The following KNDC1 variants were observed in gnomAD, a reference collection of about 807,000 sequenced individuals.
KNDC1 encodes kinase non-catalytic C-lobe domain containing 1, also known as kinase non-catalytic C-lobe domain-containing protein 1.
Under a neutral mutation model 172.8 loss-of-function variants are expected in KNDC1, and 106 were observed. That is an observed-to-expected ratio of 0.61 (90% CI 0.52 to 0.72). The LOEUF (loss-of-function observed/expected upper bound fraction) is 0.72. Among genes scored for constraint, KNDC1 ranks in the 30% least tolerant of loss-of-function variants. The pLI is 0.00. For synonymous variants in KNDC1, 1,083 were observed against 1,062.2 expected (o/e 1.02, Z -0.38); for missense variants, 2,325 against 2,394.5 (o/e 0.97, Z 0.61).
rs1458655643 is a variant in KNDC1 at position 133,224,204 on chromosome 10, T to C, written c.5019-455T>C. ...GGCTCCTGCTCGTGACTGGCCAGCT[T>C]TCTCCATTATATTCTATGGTGTGCT... On this transcript the variant is annotated intron_variant, in intron 29 of 29. Coordinates refer to ENST00000304613, the MANE Select transcript of KNDC1 (RefSeq NM_152643.8). This position sits in a 1 kb window ranked among gnomAD's most constrained non-coding sequence, Gnocchi z 5.4. Among the ~76,000 whole-genome samples, 1 of 152,188 alleles carries C rather than the reference T, an allele frequency of 6.6e-6. No homozygotes were observed. The highest frequency in any genetic ancestry group is 1.5e-5 in the Non-Finnish European group (1 of 68,022).
At chr10:133,194,160 G>A (rs1467792956) in intron 9 of KNDC1, among the ~76,000 whole-genome samples, 2 of 152,126 alleles carry the variant, frequency 1.3e-5, no homozygotes, top group Non-Finnish European at 2.9e-5. Context: ...CACCAAGCTA[G>A]ACCAAATCCT....
At chr10:133,170,915 G>A (rs992706935) in intron 3 of KNDC1, among the ~76,000 whole-genome samples, 1 of 151,060 alleles carries the variant, frequency 6.6e-6, no homozygotes. Flanking sequence ...CAAGGCAAAT[G>A]CCGTCTCGGC....
chr10:133,173,317 T>G lies in KNDC1; in HGVS notation c.360+5005T>G, dbSNP rs184185581. Among the ~76,000 whole-genome samples, 324 of 152,316 alleles carry G rather than the reference T, an allele frequency of 2.1e-3. 1 individual carries two copies. The highest frequency in any genetic ancestry group is 2.8e-3 in the Non-Finnish European group (192 of 68,018). On this transcript the variant is annotated intron_variant, in intron 3 of 29. Coordinates refer to ENST00000304613, the MANE Select transcript of KNDC1 (RefSeq NM_152643.8). ...TCTCTCTTTTCCTCCTTGTTCTGAG[T>G]TTAGGATCCATCCCTTTTCTGACTC...
chr10:133,202,165 C>T (rs747378157), intron 17 of KNDC1: 6 of 690,134 alleles, frequency 8.7e-6, no homozygotes, highest in Non-Finnish European at 1.6e-5. Flanking sequence ...CTCATGGTCG[C>T]CCGGGCGATG....
At chr10:133,213,265 G>A (rs905904511) in intron 24 of KNDC1, among the ~76,000 whole-genome samples, 9 of 152,178 alleles carry the variant, frequency 5.9e-5, no homozygotes, top group Admixed American at 3.3e-4. Context: ...CCGGAGCTGG[G>A]CCAACCCGGT....
At position 133,213,067 on chromosome 10, in the gene KNDC1, G is replaced by T. The variant is rs377762212; in HGVS notation, c.4443+145G>T. 1.2e-3 allele frequency: 912 copies of T among 736,414 alleles called. 3 individuals are homozygous for T. Among genetic ancestry groups the T allele is most frequent in the Non-Finnish European group, 1.4e-3 (664 of 460,106 alleles). The allele number at this position is 736,414 out of a possible 1,614,324, so 45.6% of individuals were successfully genotyped here. On this transcript the variant is annotated intron_variant, in intron 24 of 29. Coordinates refer to ENST00000304613, the MANE Select transcript of KNDC1 (RefSeq NM_152643.8). ...GCTGCCAGGTGCACAGGTTGGGGGT[G>T]GCTGCCAGGTGCACAGGTCCAGGCG...
At chr10:133,176,390 C>T (rs1853539546) in intron 3 of KNDC1, among the ~76,000 whole-genome samples, 1 of 152,016 alleles carries the variant, frequency 6.6e-6, no homozygotes, top group Non-Finnish European at 1.5e-5. Context: ...CCCTGGCTTT[C>T]CGTGTGGTAT....
At chr10:133,189,968 G>A (rs12358010) in intron 9 of KNDC1, among the ~76,000 whole-genome samples, 155 bp downstream of exon 9, 3,344 of 152,326 alleles carry the variant, frequency 0.022, 45 homozygotes, top group Middle Eastern at 0.034. Flanking sequence ...CAGCAGGGCC[G>A]TGGCTCTGGC....
intron 3 of KNDC1, among the ~76,000 whole-genome samples, chr10:133,176,361 T>C (rs1267880986): frequency 6.6e-6 from 1 of 151,812 alleles, no homozygotes; most frequent in Admixed American, 6.6e-5. Context: ...CAAAGGGGAA[T>C]GGAGGGAAGG....
At chr10:133,195,618 G>A in intron 9 of KNDC1, 45 bp from the exon 10 acceptor site, 1 of 1,478,604 alleles carries the variant, frequency 6.8e-7, no homozygotes, top group South Asian at 1.4e-5. Context: ...GGGCACAGCA[G>A]CCCACAGCCC....
At position 133,201,403 on chromosome 10, in the gene KNDC1, G is replaced by A. The variant is rs529061852; in HGVS notation, c.2990-98G>A. The A allele has an allele frequency of 9.3e-5, 123 of 1,320,624 alleles. 1 individual carries two copies. In the East Asian group the frequency reaches 2.6e-3, roughly 28 times the overall value. 81.8% of individuals were successfully genotyped at this position (1,320,624 alleles called of 1,614,324 possible). A position where few individuals can be genotyped will look rare whatever the true frequency, so the allele number is the denominator to read the frequency against. On this transcript the variant is annotated intron_variant, in intron 16 of 29. Coordinates refer to ENST00000304613, the MANE Select transcript of KNDC1 (RefSeq NM_152643.8). ...GTGGGCGGGTGCAAGAGAGAAGGGC[G>A]TCGGGTGTGCAAGCACCACCGGCCT...
intron 3 of KNDC1, among the ~76,000 whole-genome samples, chr10:133,178,213 G>A (rs1373293723): frequency 6.6e-6 from 1 of 151,812 alleles, no homozygotes; most frequent in Non-Finnish European, 1.5e-5. Flanking sequence ...GTGTATGTAT[G>A]TGGTGTGTGT....
intron 29 of KNDC1, among the ~76,000 whole-genome samples, chr10:133,222,420 A>C (rs1845617352): frequency 1.3e-5 from 2 of 149,440 alleles, no homozygotes; most frequent in South Asian, 4.3e-4. Context: ...TGTGTGTGAG[A>C]GCCCATCCAG....
chr10:133,211,367 C>T, intron 21 of KNDC1, 55 bp from the exon 22 acceptor site: 2 of 1,559,706 alleles, frequency 1.3e-6, no homozygotes, highest in South Asian at 2.3e-5. Flanking sequence ...AGCCCCTGGG[C>T]CTCTGCCCCC....
At position 133,186,536 on chromosome 10, in the gene KNDC1, C is replaced by T. The variant is rs762518979; in HGVS notation, c.1188C>T (p.Pro396=). ...GPGVPGSPGQ[P]ETSHPSQGPA... The stretch of plus-strand genomic sequence containing the variant: ...GGGTGCCCGGCAGTCCAGGACAGCC[C>T]GAGACTTCACACCCCAGCCAGGGGC... The change falls in exon 6 of 30, where the codon CCC becomes CCT. Residue 396 remains proline, a synonymous_variant. Transcript: ENST00000304613. The T allele has an allele frequency of 2.4e-5, 38 of 1,611,588 alleles. No individual in the cohort carries two copies. The highest frequency in any genetic ancestry group is 6.7e-5 in the African/African-American group (5 of 74,882).
intron 1 of KNDC1, among the ~76,000 whole-genome samples, chr10:133,166,138 G>A (rs1341516334): frequency 2.6e-5 from 4 of 152,198 alleles, no homozygotes; most frequent in Non-Finnish European, 4.4e-5. Context: ...TAGGGGGACC[G>A]GAGGCAGGAG....
intron 5 of KNDC1, among the ~76,000 whole-genome samples, chr10:133,184,383 TGC>T (rs1257628759): frequency 3.6e-5 from 5 of 140,236 alleles, no homozygotes; most frequent in Admixed American, 7.4e-5. Context: ...ACACACATGC[TGC>T]GCACACACAC....
Position 133,195,726 on chromosome 10 carries a change from C to T in KNDC1, c.1639C>T (p.His547Tyr). The change falls in exon 10 of 30, where the codon CAC becomes TAC. Residue 547 changes from histidine (H) to tyrosine (Y), a missense_variant. Coordinates refer to ENST00000304613, the MANE Select transcript of KNDC1 (RefSeq NM_152643.8). ...TAAKFSVPRN[H>Y]KLALPRRLKT... ...AGCCAAGTTCAGCGTCCCCCGCAAC[C>T]ACAAGCTGGCCCTGCCACGCAGGCT... The T allele has an allele frequency of 6.2e-7, 1 of 1,612,586 alleles. No homozygotes were observed. Among genetic ancestry groups the T allele is most frequent in the Non-Finnish European group, 8.5e-7 (1 of 1,179,700 alleles).
At chr10:133,162,185 C>T (rs1852997666) in intron 1 of KNDC1, among the ~76,000 whole-genome samples, 1 of 152,240 alleles carries the variant, frequency 6.6e-6, no homozygotes, top group African/African-American at 2.4e-5. Context: ...TGGTCCCTGG[C>T]CCAACCCTGT....
Sources: gnomAD v4.1 joint callset for allele counts (sites outside exome capture counted in the v4.1 genomes callset) on GRCh38, gnomAD v4.1.1 for gene constraint, Gnocchi (gnomAD v3.1) non-coding constraint, MANE v1.5 for transcripts, NCBI Gene and HGNC (gene_info 2026-07-23, HGNC 2026-07-21) for gene names.